SPATA6L: variants seen among roughly 807,000 people sequenced by gnomAD.
The protein encoded by SPATA6L is spermatogenesis associated 6 like, also known as spermatogenesis associated 6-like protein.
In SPATA6L, 68 loss-of-function variants were observed where a neutral mutation model predicts 49.2. That is an observed-to-expected ratio of 1.38 (90% CI 1.14 to 1.69). The LOEUF is 1.69. Among genes scored for constraint, SPATA6L ranks in the 40% most tolerant of loss-of-function variants. The pLI is 0.00. For missense variants in SPATA6L, 668 were observed against 464.3 expected (o/e 1.44, Z -4.03); for synonymous variants, 198 against 165.7 (o/e 1.19, Z -1.50).
At chr9:4,597,261 G>C (rs888458527), downstream of SPATA6L, among the ~76,000 whole-genome samples, 2 of 151,100 alleles carry the variant, frequency 1.3e-5, no homozygotes, top group Non-Finnish European at 2.9e-5. Context: ...AGACCAGCCT[G>C]GTCAATATAG....
intron 9 of SPATA6L, 62 bp downstream of exon 9, chr9:4,617,861 G>A: frequency 7.0e-7 from 1 of 1,423,618 alleles, no homozygotes; most frequent in Non-Finnish European, 9.5e-7. Flanking sequence ...AAATGACCCA[G>A]CTTTACCCCT....
intron 9 of SPATA6L, among the ~76,000 whole-genome samples, 195 bp from the exon 10 acceptor site, chr9:4,605,635 T>C (rs1824608881): frequency 6.6e-6 from 1 of 152,228 alleles, no homozygotes; most frequent in African/African-American, 2.4e-5. Context: ...TAAAAACTGC[T>C]CAGATGTTAA....
Position 4,655,591 on chromosome 9 carries a change from C to G in SPATA6L, c.226+450G>C, listed in dbSNP as rs76805883. On this transcript the variant is annotated intron_variant, in intron 3 of 11. Coordinates refer to ENST00000682582, the MANE Select transcript of SPATA6L (RefSeq NM_001353486.2). ...TGAGATGGAGTCTTGCTCTGCCACC[C>G]AGTCTGGAGTGCAATGGCACGATTT... is the stretch of plus-strand genomic sequence containing the variant. Among the ~76,000 whole-genome samples the G allele has an allele frequency of 6.8e-4, 103 of 151,908 alleles. No homozygotes were observed. The East Asian group carries it at 0.02, about 29-fold the overall frequency.
downstream of SPATA6L, among the ~76,000 whole-genome samples, chr9:4,598,053 T>C (rs1822445190): frequency 6.6e-6 from 1 of 152,224 alleles, no homozygotes; most frequent in Non-Finnish European, 1.5e-5. Flanking sequence ...ATTTGCACTC[T>C]CATTTTTTAA....
At position 4,625,577 on chromosome 9, in the gene SPATA6L, C is replaced by A. The variant is rs373864724; in HGVS notation, c.430-11G>T. The A allele has an allele frequency of 4.0e-5, 58 of 1,452,830 alleles. No individual in the cohort carries two copies. Among genetic ancestry groups the A allele is most frequent in the South Asian group, 6.0e-5 (4 of 67,206 alleles). 90.0% of individuals were successfully genotyped at this position (1,452,830 alleles called of 1,614,324 possible). ...CTCATGTCTTTCTTCCTGAAATAAACAAAAAAAGAATATTTTTTAAAATAA... is the reference window on the plus strand; with the variant it reads ...CTCATGTCTTTCTTCCTGAAATAAAAAAAAAAAGAATATTTTTTAAAATAA... On this transcript the variant is annotated splice_polypyrimidine_tract_variant and intron_variant, in intron 5 of 11. Transcript: ENST00000682582.
At chr9:4,614,499 C>T (rs772323195) in intron 9 of SPATA6L, among the ~76,000 whole-genome samples, 1 of 152,186 alleles carries the variant, frequency 6.6e-6, no homozygotes, top group Non-Finnish European at 1.5e-5. Context: ...TGACAACCCC[C>T]AGTGTCCCAG....
chr9:4,603,221 G>A (rs1340253829), intron 11 of SPATA6L, among the ~76,000 whole-genome samples: 1 of 152,156 alleles, frequency 6.6e-6, no homozygotes, highest in African/African-American at 2.4e-5. Context: ...CACGAGGTCA[G>A]GAGTTTGAGA....
rs1829591468 is a variant in SPATA6L, at chr9:4,622,644, G to C, written c.670-134C>G. 5 of 611,410 alleles carry C rather than the reference G, an allele frequency of 8.2e-6. No homozygotes were observed. The East Asian group carries it at 8.3e-5, about 10-fold the overall frequency. 37.9% of individuals were successfully genotyped at this position (611,410 alleles called of 1,614,324 possible). A position where few individuals can be genotyped will look rare whatever the true frequency, so the allele number is the denominator to read the frequency against. The stretch of plus-strand genomic sequence containing the variant: ...AAAAAGAAGGCTGGAAAACCACCTA[G>C]AGCACAGTCTGCAAGTTTGTTACAT... On this transcript the variant is annotated intron_variant, in intron 6 of 11. Coordinates refer to ENST00000682582, the MANE Select transcript of SPATA6L (RefSeq NM_001353486.2).
chr9:4,597,759 G>A (rs188860918), downstream of SPATA6L, among the ~76,000 whole-genome samples: 61 of 152,224 alleles, frequency 4.0e-4, no homozygotes, highest in African/African-American at 1.2e-3. Context: ...CTGCAGGTCC[G>A]CTAAGTAGTG....
Position 4,661,942 on chromosome 9 carries a change from G to T in SPATA6L, c.134C>A (p.Ser45Tyr). 1 of 1,613,972 alleles carries T rather than the reference G, an allele frequency of 6.2e-7. No homozygotes were observed. The highest frequency in any genetic ancestry group is 8.5e-7 in the Non-Finnish European group (1 of 1,179,874). The part of the protein sequence containing the change: ...NQYLETNSFP[S>Y]AFPIMIQESM... ...CTCCTGAATCATAATGGGGAACGCA[G>T]AGGGAAAGCTGTTGGTCTCCAGGTA... The change falls in exon 2 of 12, where the codon TCT (serine) becomes TAT (tyrosine). Residue 45 changes from serine to tyrosine, a missense_variant. Coordinates refer to ENST00000682582, the MANE Select transcript of SPATA6L (RefSeq NM_001353486.2).
chr9:4,642,881 T>A (rs79625181), intron 3 of SPATA6L, among the ~76,000 whole-genome samples: 5,723 of 152,256 alleles, frequency 0.038, 189 homozygotes, highest in Non-Finnish European at 0.05. Context: ...AGTCACTTTA[T>A]ACAGAAGGAA....
chr9:4,639,030 C>G (rs1037524716), intron 3 of SPATA6L, among the ~76,000 whole-genome samples: 2 of 152,152 alleles, frequency 1.3e-5, no homozygotes, highest in Admixed American at 6.5e-5. Flanking sequence ...ATGTAAACTA[C>G]TTAACTTCAG....
chr9:4,602,526 G>A (rs1041207807), intron 11 of SPATA6L, among the ~76,000 whole-genome samples: 11 of 152,158 alleles, frequency 7.2e-5, no homozygotes, highest in African/African-American at 2.7e-4. Context: ...ACTTTCAGGA[G>A]CCTGACTACA....
Position 4,627,833 on chromosome 9 carries a change from C to A in SPATA6L, c.429+1258G>T, listed in dbSNP as rs1402878082. 4.7e-6 allele frequency: 6 copies of A among 1,287,682 alleles called. No individual in the cohort carries two copies. The East Asian group carries it at 3.3e-4, about 71-fold the overall frequency. The allele number at this position is 1,287,682 out of a possible 1,614,324, so 79.8% of individuals were successfully genotyped here. On this transcript the variant is annotated intron_variant, in intron 5 of 11. Coordinates refer to ENST00000682582, the MANE Select transcript of SPATA6L (RefSeq NM_001353486.2). ...CCCATGTTTACTGCAGCACTATTCA[C>A]AATAGCCAAGATTTGGAATCAACCT...
intron 3 of SPATA6L, among the ~76,000 whole-genome samples, chr9:4,641,203 T>C (rs7023545): frequency 0.27 from 41,417 of 151,914 alleles, 8,577 homozygotes; most frequent in African/African-American, 0.56. Context: ...TATACACACG[T>C]AACTATATAT....
intron 1 of SPATA6L, chr9:4,663,964 A>G (rs938368211): frequency 6.0e-6 from 1 of 167,000 alleles, no homozygotes; most frequent in African/African-American, 2.4e-5. Flanking sequence ...TGCATTTCCC[A>G]CTACTCCCTT....
intron 3 of SPATA6L, among the ~76,000 whole-genome samples, chr9:4,654,289 G>A (rs915147073): frequency 6.6e-6 from 1 of 152,174 alleles, no homozygotes; most frequent in African/African-American, 2.4e-5. Flanking sequence ...AATGGGAAAA[G>A]CTCCTTTGTC....
At chr9:4,629,582 T>C (rs942441377) in intron 4 of SPATA6L, among the ~76,000 whole-genome samples, 12 of 151,988 alleles carry the variant, frequency 7.9e-5, no homozygotes, top group Non-Finnish European at 1.5e-4. Context: ...TAGAGAGAGG[T>C]ATGAATACAG....
intron 3 of SPATA6L, among the ~76,000 whole-genome samples, chr9:4,649,337 TC>T (rs1014279977): frequency 6.6e-5 from 10 of 152,226 alleles, no homozygotes; most frequent in African/African-American, 2.4e-4. Context: ...TAGTTTACAT[TC>T]CCATCGGCAG....
Sources: gnomAD v4.1 joint callset for allele counts (sites outside exome capture counted in the v4.1 genomes callset) on GRCh38, gnomAD v4.1.1 for gene constraint, MANE v1.5 for transcripts, NCBI Gene and HGNC (gene_info 2026-07-23, HGNC 2026-07-21) for gene names.